Variants in ERN2 observed in about 807,000 individuals in gnomAD.
ERN2 encodes serine/threonine-protein kinase/endoribonuclease IRE2.
A neutral mutation model predicts 107.9 loss-of-function variants in ERN2; 111 were observed. The observed-to-expected ratio is 1.03, with a 90% CI of 0.88 to 1.20. The LOEUF (loss-of-function observed/expected upper bound fraction) is 1.20, where lower values mean the gene tolerates loss of function less well. ERN2 is among the 50% of genes most tolerant of loss of function. The pLI is 0.00. For synonymous variants in ERN2, 524 were observed against 501.7 expected (o/e 1.04, Z -0.59); for missense variants, 1,225 against 1,197.9 (o/e 1.02, Z -0.33).
Position 23,713,146 on chromosome 16 carries a change from C to CA in ERN2, c.41dup (p.Leu16AlafsTer52), listed in dbSNP as rs766262687. ...GCGCCGCGAACTGGAGCTGGAGCCC[C>CA]AGCCGGGGCCACGGCCTCGACCCCC... On this transcript the variant is annotated frameshift_variant, in exon 1 of 22. Coordinates refer to ENST00000256797, the MANE Select transcript of ERN2 (RefSeq NM_033266.4). LOFTEE classifies it high-confidence loss of function. The CA allele has an allele frequency of 1.2e-5, 19 of 1,573,868 alleles. No homozygotes were observed. In the Admixed American group the frequency reaches 1.8e-4, roughly 15 times the overall value.
At chr16:23,696,020 C>G in intron 13 of ERN2, 42 bp from the exon 14 acceptor site, 1 of 1,481,218 alleles carries the variant, frequency 6.8e-7, no homozygotes, top group South Asian at 1.1e-5. Flanking sequence ...CCTCTGCCCA[C>G]CTTTGCCGGC....
chr16:23,699,218 C>T (rs1484632239), intron 13 of ERN2, among the ~76,000 whole-genome samples: 1 of 152,164 alleles, frequency 6.6e-6, no homozygotes, highest in Non-Finnish European at 1.5e-5. Context: ...GGCTAAGGCA[C>T]AATGACCACA....
rs769424313 is a variant in ERN2 at position 23,705,167 on chromosome 16, G to A, written c.590-20C>T. The A allele has an allele frequency of 1.2e-6, 2 of 1,608,532 alleles. No homozygotes were observed. The highest frequency in any genetic ancestry group is 1.7e-6 in the Non-Finnish European group (2 of 1,175,540). On this transcript the variant is annotated intron_variant, in intron 7 of 21. Coordinates refer to ENST00000256797, the MANE Select transcript of ERN2 (RefSeq NM_033266.4). ...TCATGTCTGCCGAGAAAGGTGGCTGGGGAGATGTGGTTGGAAGCTCTCCTA... is the reference window on the plus strand; with the variant it reads ...TCATGTCTGCCGAGAAAGGTGGCTGAGGAGATGTGGTTGGAAGCTCTCCTA...
intron 7 of ERN2, among the ~76,000 whole-genome samples, chr16:23,705,571 C>T (rs1178611960): frequency 1.3e-5 from 2 of 151,938 alleles, no homozygotes; most frequent in African/African-American, 2.4e-5. Flanking sequence ...TTGAGGGGGC[C>T]TTGGGGCACC....
intron 4 of ERN2, chr16:23,709,728 A>G: frequency 5.6e-6 from 1 of 179,542 alleles, no homozygotes; most frequent in South Asian, 1.2e-4. Flanking sequence ...GTTGACTAGC[A>G]GCTGACCACA....
In ERN2 at chr16:23,695,083, C is replaced by T; in HGVS notation, c.1836G>A (p.Leu612=). ...VENPDLDRGG[L]EPEVVLQQLM... is the part of the protein sequence containing the mutation. Reference sequence around the variant, plus strand: ...GCTGCTGCAGCACGACCTCGGGCTCCAGACCCCCGCGATCCAGGTCCGGGT... The same window carrying T: ...GCTGCTGCAGCACGACCTCGGGCTCTAGACCCCCGCGATCCAGGTCCGGGT... The change falls in exon 16 of 22, where the codon CTG becomes CTA. Residue 612 remains leucine, a synonymous_variant. Transcript: ENST00000256797. The T allele has an allele frequency of 6.2e-7, 1 of 1,613,930 alleles. No individual in the cohort carries two copies. Among genetic ancestry groups the T allele is most frequent in the Non-Finnish European group, 8.5e-7 (1 of 1,179,910 alleles).
chr16:23,707,333 C>T (rs1164429973), intron 4 of ERN2: 1 of 491,948 alleles, frequency 2.0e-6, no homozygotes, highest in South Asian at 2.1e-5. Context: ...GCTACACAGC[C>T]TCTTGAGGAA....
In ERN2 at chr16:23,705,059, G is replaced by T. The variant is rs756412528; in HGVS notation, c.678C>A (p.Gly226=). ...SGTVLWTQDL[G]VPVMGVYTWH... The stretch of plus-strand genomic sequence containing the variant: ...AGGTGTAGACGCCCATCACAGGCAC[G>T]CCCAGGTCCTGTGTCCACAGCACCG... The change falls in exon 8 of 22, where the codon GGC becomes GGA. Residue 226 remains glycine (G), a synonymous_variant. Transcript: ENST00000256797. 4 of 1,613,814 alleles carry T rather than the reference G, an allele frequency of 2.5e-6. No individual in the cohort carries two copies. The African/African-American group carries it at 4.0e-5, about 16-fold the overall frequency.
chr16:23,712,112 G>C (rs749303385), intron 1 of ERN2: 1 of 432,516 alleles, frequency 2.3e-6, no homozygotes, highest in South Asian at 1.6e-5. Flanking sequence ...AGGACCCTCA[G>C]GTTTGGGGCT....
rs1459905957 is a variant in ERN2, at chr16:23,690,793, G to A, written c.*38C>T. On this transcript the variant is annotated 3_prime_UTR_variant, in exon 22 of 22. Coordinates refer to ENST00000256797, the MANE Select transcript of ERN2 (RefSeq NM_033266.4). ...AGCCACAGGCTCAGCTCTTCAGTGA[G>A]CCAGCACGGAGACCATCTGTGTGGC... 2.6e-6 allele frequency: 4 copies of A among 1,559,638 alleles called. No homozygotes were observed. Among genetic ancestry groups the A allele is most frequent in the East Asian group, 2.2e-5 (1 of 44,532 alleles).
chr16:23,704,880 T>C lies in ERN2; in HGVS notation c.854+3A>G. On this transcript the variant is annotated splice_donor_region_variant and intron_variant, in intron 8 of 21. Coordinates refer to ENST00000256797, the MANE Select transcript of ERN2 (RefSeq NM_033266.4). ...TCCCTGGGCCCCAGGCACGAACACC[T>C]ACAGCAGCTGGGTGTCCAAGGTAGA... The C allele has an allele frequency of 6.2e-7, 1 of 1,607,012 alleles. No homozygotes were observed. Among genetic ancestry groups the C allele is most frequent in the Non-Finnish European group, 8.5e-7 (1 of 1,179,644 alleles).
At chr16:23,701,638 CTTT>C (rs61424406) in intron 11 of ERN2, among the ~76,000 whole-genome samples, 18 of 137,904 alleles carry the variant, frequency 1.3e-4, no homozygotes, top group Admixed American at 2.2e-4. Context: ...TAGTCAATGT[CTTT>C]TTTTTTTTTT....
intron 11 of ERN2, 145 bp from the exon 12 acceptor site, chr16:23,701,259 T>A: frequency 2.7e-6 from 2 of 735,678 alleles, no homozygotes; most frequent in East Asian, 5.9e-5. Context: ...CTCTCCACAG[T>A]GCTGAAACAT....
rs55780778 is a variant in ERN2, at chr16:23,710,941, T to A, written c.171A>T (p.Thr57=). ...DGSLHALSKQ[T]GDLKWTLRDD... ...CCCTCAGAGTCCACTTCAGGTCCCCTGTCTGCTTGCTTAGTGCGTGGAGAC... is the reference window on the plus strand; with the variant it reads ...CCCTCAGAGTCCACTTCAGGTCCCCAGTCTGCTTGCTTAGTGCGTGGAGAC... The change falls in exon 2 of 22, where the codon ACA becomes ACT. Residue 57 remains threonine (T), a synonymous_variant. Coordinates refer to ENST00000256797, the MANE Select transcript of ERN2 (RefSeq NM_033266.4). 532 of 1,614,076 alleles carry A rather than the reference T, an allele frequency of 3.3e-4. 2 individuals are homozygous for A. The highest frequency in any genetic ancestry group is 5.0e-4 in the Admixed American group (30 of 60,026).
chr16:23,711,126 C>T, intron 1 of ERN2, 108 bp from the exon 2 acceptor site: 1 of 700,566 alleles, frequency 1.4e-6, no homozygotes, highest in Middle Eastern at 2.9e-4. Flanking sequence ...GATGGGGATG[C>T]AGCAGGGGAG....
In ERN2 at chr16:23,695,021, A is replaced by G. The variant is rs1194739643; in HGVS notation, c.1898T>C (p.Ile633Thr). 3 of 1,613,210 alleles carry G rather than the reference A, an allele frequency of 1.9e-6. No homozygotes were observed. Among genetic ancestry groups the G allele is most frequent in the African/African-American group, 1.3e-5 (1 of 74,992 alleles). ...SGLAHLHSLH[I>T]VHRDLKPGNI... The stretch of plus-strand genomic sequence containing the variant: ...GGAGGCAGGGGAAGTGCGGGTACCT[A>G]TGTGTAAAGAGTGCAGGTGGGCCAG... The change falls in exon 16 of 22, where the codon ATA becomes ACA. Residue 633 changes from isoleucine to threonine, a missense_variant and splice_region_variant. Ile to Thr is a moderately conservative substitution (Grantham distance 89). Coordinates refer to ENST00000256797, the MANE Select transcript of ERN2 (RefSeq NM_033266.4).
In ERN2 at chr16:23,700,613, G is replaced by C. The variant is rs142105569; in HGVS notation, c.1451C>G (p.Ser484Trp). ...HISQDAQSLH[S>W]GASRRSQKRL... is the part of the protein sequence containing the mutation. ...CTTCTGGCTCCTCCGGCTGGCCCCC[G>C]AGTGCAGGGACTGGGCATCCTGGGA... The change falls in exon 13 of 22, where the codon TCG becomes TGG. Residue 484 changes from serine to tryptophan, a missense_variant. Physicochemically the swap from Ser to Trp is radical, Grantham distance 177. Coordinates refer to ENST00000256797, the MANE Select transcript of ERN2 (RefSeq NM_033266.4). 3 of 1,614,148 alleles carry C rather than the reference G, an allele frequency of 1.9e-6. No homozygotes were observed. In the Admixed American group the frequency reaches 5.0e-5, roughly 27 times the overall value.
Position 23,706,352 on chromosome 16 carries a change from G to C in ERN2, c.567C>G (p.Pro189=), listed in dbSNP as rs1567252644. ...NTTYRRYSAP[P]MDGSPGKYMS... is the part of the protein sequence containing the mutation. Reference sequence around the variant, plus strand: ...CACATTTCCCAGGTGAGCCATCCATGGGGGGCGCTGAGTAGCGGCGGTAGG... The same window carrying C: ...CACATTTCCCAGGTGAGCCATCCATCGGGGGCGCTGAGTAGCGGCGGTAGG... Residue 189 remains proline, a synonymous_variant, in exon 7 of 22, where the codon CCC becomes CCG. Transcript: ENST00000256797. 1.3e-6 allele frequency: 2 copies of C among 1,551,090 alleles called. No homozygotes were observed. Among genetic ancestry groups the C allele is most frequent in the South Asian group, 1.2e-5 (1 of 81,116 alleles).
chr16:23,695,966 G>A lies in ERN2; in HGVS notation c.1538C>T (p.Thr513Ile). 1 of 1,614,074 alleles carries A rather than the reference G, an allele frequency of 6.2e-7. No homozygotes were observed. The highest frequency in any genetic ancestry group is 1.7e-5 in the Admixed American group (1 of 60,022). The change falls in exon 14 of 22, where the codon ACC (threonine) becomes ATC (isoleucine). Residue 513 changes from threonine to isoleucine, a missense_variant. Coordinates refer to ENST00000256797, the MANE Select transcript of ERN2 (RefSeq NM_033266.4). ...ATTGAAGGAAATCTTCCCCACTACG[G>A]TGAGTTGCTCAGCTGGGGGAGAGGA... Reference protein sequence around the residue: ...PLDDPEAEQLTVVGKISFNPK... With the variant: ...PLDDPEAEQLIVVGKISFNPK...
Sources: gnomAD v4.1 joint callset for allele counts (sites outside exome capture counted in the v4.1 genomes callset) on GRCh38, gnomAD v4.1.1 for gene constraint, MANE v1.5 for transcripts, NCBI Gene and HGNC (gene_info 2026-07-23, HGNC 2026-07-21) for gene names.